Variants in CNTNAP2 observed in about 807,000 individuals in gnomAD.
CNTNAP2 encodes the protein contactin-associated protein-like 2.
In CNTNAP2, 98 loss-of-function variants were observed where a neutral mutation model predicts 155.2. The observed-to-expected ratio is 0.63, with a 90% CI of 0.54 to 0.75. CNTNAP2 has a LOEUF of 0.75. Among genes scored for constraint, CNTNAP2 ranks in the 30% least tolerant of loss-of-function variants. CNTNAP2 has a pLI of 0.00. For synonymous variants in CNTNAP2, 651 were observed against 631.2 expected, an observed-to-expected ratio of 1.03 and a Z score of -0.47; for missense variants, 1,727 against 1,688.1, an observed-to-expected ratio of 1.02 and a Z score of -0.40.
At chr7:148,243,515 T>C (rs939605277) in intron 20 of CNTNAP2, among the ~76,000 whole-genome samples, 2 of 152,130 alleles carry the variant, frequency 1.3e-5, no homozygotes, top group Non-Finnish European at 2.9e-5. Flanking sequence ...CTCACAATCA[T>C]GGTGGAAGGC....
At chr7:148,331,560 CGGATGGAGTGGATGGATGGAATGGAT>C (rs1798013520) in intron 21 of CNTNAP2, among the ~76,000 whole-genome samples, 2 of 8,152 alleles carry the variant, frequency 2.5e-4, no homozygotes, top group Admixed American at 1.6e-3. Flanking sequence ...ATGGAATGGA[CGGATGGAGTGGATGGATGGAATGGAT>C]GGATGGAATG....
At chr7:146,548,806 T>TG in intron 1 of CNTNAP2, among the ~76,000 whole-genome samples, 1 of 151,224 alleles carries the variant, frequency 6.6e-6, no homozygotes, top group Non-Finnish European at 1.5e-5. Flanking sequence ...AGGTTTTTTT[T>TG]TTTTTTTTCG....
chr7:147,269,277 A>T (rs969796980), intron 8 of CNTNAP2, among the ~76,000 whole-genome samples: 1 of 152,182 alleles, frequency 6.6e-6, no homozygotes, highest in Non-Finnish European at 1.5e-5. Context: ...CTTTTAGGTT[A>T]AGAAAATGTT....
intron 1 of CNTNAP2, among the ~76,000 whole-genome samples, chr7:146,174,750 G>A (rs559203939): frequency 9.2e-5 from 14 of 152,132 alleles, no homozygotes; most frequent in Non-Finnish European, 1.3e-4. Flanking sequence ...GCTGAGGCAG[G>A]AAGAATCGCC....
intron 15 of CNTNAP2, among the ~76,000 whole-genome samples, chr7:148,020,530 C>G (rs547227966): frequency 6.6e-6 from 1 of 152,030 alleles, no homozygotes; most frequent in Non-Finnish European, 1.5e-5. Context: ...TTTGAGAATT[C>G]GTATTAATTT....
At chr7:146,492,731 C>A (rs1233675322) in intron 1 of CNTNAP2, among the ~76,000 whole-genome samples, 5 of 152,068 alleles carry the variant, frequency 3.3e-5, no homozygotes, top group African/African-American at 9.7e-5. Flanking sequence ...TGAAGCTATA[C>A]AACATGATGT....
intron 12 of CNTNAP2, among the ~76,000 whole-genome samples, chr7:147,593,963 G>A (rs772260620): frequency 1.3e-5 from 2 of 152,102 alleles, no homozygotes; most frequent in Non-Finnish European, 2.9e-5. Flanking sequence ...ACAGCTTCAC[G>A]AAGTAGGCAG....
chr7:147,015,692 A>T (rs1470934630), intron 3 of CNTNAP2, among the ~76,000 whole-genome samples: 4 of 152,208 alleles, frequency 2.6e-5, no homozygotes, highest in African/African-American at 7.2e-5. Context: ...AGTTTTTTTT[A>T]AAGCTGTTTT....
At chr7:146,842,904 C>A (rs1338402652) in intron 3 of CNTNAP2, among the ~76,000 whole-genome samples, 2 of 149,364 alleles carry the variant, frequency 1.3e-5, no homozygotes, top group Non-Finnish European at 3.0e-5. Context: ...CCAGGATGGT[C>A]TCCATCTCCT....
intron 14 of CNTNAP2, among the ~76,000 whole-genome samples, chr7:147,907,308 G>T (rs990234918): frequency 6.6e-6 from 1 of 152,048 alleles, no homozygotes; most frequent in Non-Finnish European, 1.5e-5. Context: ...TGCCCACCTC[G>T]GCCTCCCAAA....
chr7:148,123,611 A>G (rs991708685), intron 16 of CNTNAP2, among the ~76,000 whole-genome samples: 1 of 149,566 alleles, frequency 6.7e-6, no homozygotes, highest in East Asian at 2.0e-4. Context: ...GGAGAGAAGG[A>G]AGGGAGACAA....
chr7:147,390,514 T>C (rs1249372142), intron 9 of CNTNAP2, among the ~76,000 whole-genome samples: 1 of 152,084 alleles, frequency 6.6e-6, no homozygotes, highest in Non-Finnish European at 1.5e-5. Flanking sequence ...TGACTAGGAT[T>C]AGAGGCTCCA....
intron 21 of CNTNAP2, among the ~76,000 whole-genome samples, chr7:148,315,628 A>T (rs1257478915): frequency 6.6e-6 from 1 of 152,206 alleles, no homozygotes; most frequent in African/African-American, 2.4e-5. Context: ...AATGTTGTTA[A>T]TTGCTCTGGT....
At chr7:146,521,699 C>A (rs544744742) in intron 1 of CNTNAP2, among the ~76,000 whole-genome samples, 1 of 151,944 alleles carries the variant, frequency 6.6e-6, no homozygotes, top group Non-Finnish European at 1.5e-5. Flanking sequence ...AAATATTTAA[C>A]CTAATCCTTA....
intron 9 of CNTNAP2, among the ~76,000 whole-genome samples, chr7:147,324,885 A>G (rs1200680805): frequency 6.6e-6 from 1 of 152,206 alleles, no homozygotes; most frequent in South Asian, 2.1e-4. Context: ...GTTTGAAACA[A>G]CATATGTACC....
chr7:147,867,771 G>T lies in CNTNAP2; in HGVS notation c.2099-35794G>T, dbSNP rs575552775. Among the ~76,000 whole-genome samples the T allele has an allele frequency of 2.7e-3, 411 of 152,178 alleles. 2 individuals carry two copies. The highest frequency in any genetic ancestry group is 4.4e-3 in the Non-Finnish European group (299 of 68,012). ...TTGAAGATTGTGCATGCATCACAAAGTTCGCGTGCCATGGTTTTCAGCTCC... is the reference window on the plus strand; with the variant it reads ...TTGAAGATTGTGCATGCATCACAAATTTCGCGTGCCATGGTTTTCAGCTCC... On this transcript the variant is annotated intron_variant, in intron 13 of 23. Coordinates refer to ENST00000361727, the MANE Select transcript of CNTNAP2 (RefSeq NM_014141.6).
chr7:147,392,001 T>C (rs1796726559), intron 9 of CNTNAP2, among the ~76,000 whole-genome samples: 1 of 152,160 alleles, frequency 6.6e-6, no homozygotes, highest in Non-Finnish European at 1.5e-5. Flanking sequence ...AAACAGAAGA[T>C]GCCCGATGGC....
At chr7:146,444,333 T>A (rs182511657) in intron 1 of CNTNAP2, among the ~76,000 whole-genome samples, 175 of 152,268 alleles carry the variant, frequency 1.1e-3, no homozygotes, top group African/African-American at 3.7e-3. Context: ...CCTATCACAT[T>A]TTTTAACACA....
chr7:146,508,608 T>C (rs1226070084), intron 1 of CNTNAP2, among the ~76,000 whole-genome samples: 3 of 152,192 alleles, frequency 2.0e-5, no homozygotes, highest in Admixed American at 1.3e-4. Context: ...TGGCCTCCTG[T>C]TGTCTGGTGT....
Sources: gnomAD v4.1 joint callset for allele counts (sites outside exome capture counted in the v4.1 genomes callset) on GRCh38, gnomAD v4.1.1 for gene constraint, MANE v1.5 for transcripts, NCBI Gene and HGNC (gene_info 2026-07-23, HGNC 2026-07-21) for gene names.